The following ANKRD30BL variants were observed in gnomAD, a reference collection of about 807,000 sequenced individuals.
ANKRD30BL encodes putative ankyrin repeat domain-containing protein 30B-like.
Under a neutral mutation model 18.4 loss-of-function variants are expected in ANKRD30BL, and 20 were observed. The observed-to-expected ratio is 1.09, with a 90% CI of 0.77 to 1.58. The LOEUF (loss-of-function observed/expected upper bound fraction) is 1.58, where lower values mean the gene tolerates loss of function less well. Among genes scored for constraint, ANKRD30BL ranks in the 40% most tolerant of loss-of-function variants. The pLI, the probability that ANKRD30BL is intolerant of heterozygous loss-of-function variation, is 0.00. For missense variants in ANKRD30BL, 224 were observed against 268.6 expected (o/e 0.83, Z 1.16); for synonymous variants, 72 against 100.9 (o/e 0.71, Z 1.72).
upstream of ANKRD30BL, among the ~76,000 whole-genome samples, chr2:132,166,240 T>C (rs1688185029): frequency 1.3e-5 from 2 of 152,330 alleles, no homozygotes; most frequent in East Asian, 1.9e-4. Context: ...ATGAGAGATA[T>C]TGATATATTG....
rs1193358076 is a variant in ANKRD30BL at position 132,187,188 on chromosome 2, G to GTTTTTTTTTTTTTTTTTTTTTTTTTTT, written n.442-30043_442-30042insAAAAAAAAAAAAAAAAAAAAAAAAAAA. Among the ~76,000 whole-genome samples the GTTTTTTTTTTTTTTTTTTTTTTTTTTT allele has an allele frequency of 5.5e-5, 5 of 90,628 alleles. 1 individual carries two copies. The South Asian group carries it at 1.3e-3, about 24-fold the overall frequency. The allele number at this position is 90,628 out of a possible 152,430, so 59.5% of individuals were successfully genotyped here. ...AAGTTTTTTGTTTTTTTTTTTGTTT[G>GTTTTTTTTTTTTTTTTTTTTTTTTTTT]TTTTTTTTTTTTTTTTTTTTTGAGA... On this transcript the variant is annotated intron_variant and non_coding_transcript_variant, in intron 1 of 4. Transcript: ENST00000470729.
At chr2:132,171,499 T>A (rs1447265838) in intron 1 of ANKRD30BL, among the ~76,000 whole-genome samples, 2 of 152,166 alleles carry the variant, frequency 1.3e-5, no homozygotes, top group Non-Finnish European at 2.9e-5. Flanking sequence ...AGGACATTAA[T>A]CAGTTTTAAT....
intron 4 of ANKRD30BL, chr2:132,152,740 T>C (rs1387827500): frequency 6.6e-6 from 1 of 152,096 alleles, no homozygotes; most frequent in Non-Finnish European, 1.5e-5. Context: ...TGACTTACAG[T>C]TTCAAACGAC....
intron 1 of ANKRD30BL, among the ~76,000 whole-genome samples, chr2:132,189,954 T>TA (rs1178763021): frequency 3.9e-5 from 6 of 152,038 alleles, no homozygotes. Flanking sequence ...TTGGTGGGTA[T>TA]AGCACAGCAA....
chr2:132,218,757 G>A (rs1428605139), intron 1 of ANKRD30BL, among the ~76,000 whole-genome samples: 1 of 151,806 alleles, frequency 6.6e-6, no homozygotes, highest in African/African-American at 2.4e-5. Context: ...ATCTGGAAGT[G>A]GATATTTTGA....
At chr2:132,153,674 A>G (rs763757606) in intron 4 of ANKRD30BL, 2 of 1,264,740 alleles carry the variant, frequency 1.6e-6, no homozygotes, top group Non-Finnish European at 1.1e-6. Context: ...TCCATGACAT[A>G]TGGCAAGCAT....
intron 1 of ANKRD30BL, among the ~76,000 whole-genome samples, chr2:132,245,938 T>C (rs78087890): frequency 2.6e-5 from 4 of 151,648 alleles, no homozygotes; most frequent in Non-Finnish European, 4.4e-5. Flanking sequence ...TTGAGGCCTA[T>C]GGTGAAAAAG....
upstream of ANKRD30BL, chr2:132,162,032 C>T (rs763348245): frequency 4.0e-6 from 1 of 247,738 alleles, no homozygotes; most frequent in Non-Finnish European, 7.9e-6. Context: ...TCGCCCAGCA[C>T]GGCGTGCAGG....
rs527642026 is a variant in ANKRD30BL at position 132,248,144 on chromosome 2, G to A, written n.441+9385C>T. ...GCCTCAAACAGCTCAGAAATATCCC[G>A]TTGCAGATTGTACAAAAAGACAGTT... is the stretch of plus-strand genomic sequence containing the variant. On this transcript the variant is annotated intron_variant and non_coding_transcript_variant, in intron 1 of 4. Coordinates refer to the ANKRD30BL transcript ENST00000470729. Among the ~76,000 whole-genome samples, 36 of 151,564 alleles carry A rather than the reference G, an allele frequency of 2.4e-4. No individual in the cohort carries two copies. In the South Asian group the frequency reaches 3.8e-3, roughly 16 times the overall value.
intron 1 of ANKRD30BL, among the ~76,000 whole-genome samples, chr2:132,171,050 G>A (rs1296539064): frequency 6.6e-6 from 1 of 151,914 alleles, no homozygotes; most frequent in Non-Finnish European, 1.5e-5. Context: ...CAGCTACTCC[G>A]GAGGCTGAGG....
chr2:132,192,500 C>T (rs1360852069), intron 1 of ANKRD30BL, among the ~76,000 whole-genome samples: 10 of 152,278 alleles, frequency 6.6e-5, no homozygotes, highest in East Asian at 5.8e-4. Context: ...ATGCTTCTGG[C>T]GCTACCTCTT....
chr2:132,209,785 A>G (rs906291197), intron 1 of ANKRD30BL, among the ~76,000 whole-genome samples: 2 of 152,108 alleles, frequency 1.3e-5, no homozygotes, highest in African/African-American at 4.8e-5. Context: ...CAGTTTTGAA[A>G]CAATCTTTGT....
intron 1 of ANKRD30BL, among the ~76,000 whole-genome samples, chr2:132,249,684 T>A (rs1680600469): frequency 6.6e-6 from 1 of 152,158 alleles, no homozygotes; most frequent in Non-Finnish European, 1.5e-5. Flanking sequence ...CTTGCAAATA[T>A]CCCTTTGCCG....
At chr2:132,249,299 T>C (rs527423226) in intron 1 of ANKRD30BL, among the ~76,000 whole-genome samples, 36 of 152,186 alleles carry the variant, frequency 2.4e-4, no homozygotes, top group African/African-American at 8.4e-4. Flanking sequence ...CATGTGAAGA[T>C]ATTTCCTTTT....
intron 1 of ANKRD30BL, among the ~76,000 whole-genome samples, chr2:132,180,989 T>C (rs1688450906): frequency 6.6e-6 from 1 of 150,962 alleles, no homozygotes; most frequent in African/African-American, 2.4e-5. Flanking sequence ...CTACTAAACA[T>C]ACAAAAAATT....
chr2:132,234,306 A>C (rs901136326), intron 1 of ANKRD30BL, among the ~76,000 whole-genome samples: 5 of 152,146 alleles, frequency 3.3e-5, no homozygotes, highest in Non-Finnish European at 7.3e-5. Context: ...CACATTCAAA[A>C]GCTAGCAGAA....
intron 1 of ANKRD30BL, among the ~76,000 whole-genome samples, chr2:132,176,723 T>C (rs1435977801): frequency 6.6e-6 from 1 of 152,076 alleles, no homozygotes; most frequent in Non-Finnish European, 1.5e-5. Context: ...TCTAGGAGAC[T>C]GGGGTTGCAG....
At chr2:132,216,665 G>A (rs544409332) in intron 1 of ANKRD30BL, among the ~76,000 whole-genome samples, 1,908 of 152,034 alleles carry the variant, frequency 0.013, 46 homozygotes, top group African/African-American at 0.043. Flanking sequence ...CCTTTGGAGC[G>A]CCTTGAGGCC....
intron 1 of ANKRD30BL, among the ~76,000 whole-genome samples, chr2:132,197,383 A>G (rs1678990391): frequency 6.6e-6 from 1 of 152,110 alleles, no homozygotes; most frequent in Non-Finnish European, 1.5e-5. Flanking sequence ...TGCTTATTCT[A>G]GTTTGAAATG....
Sources: allele counts gnomAD v4.1 joint callset (sites outside exome capture counted in the v4.1 genomes callset), GRCh38; gene constraint gnomAD v4.1.1; transcripts MANE v1.5; gene names NCBI Gene and HGNC (gene_info 2026-07-23, HGNC 2026-07-21).